Variants in CAPN10 observed in about 807,000 individuals in gnomAD.
CAPN10 encodes calpain 10, also known as calpain-10.
Under a neutral mutation model 78.4 loss-of-function variants are expected in CAPN10, and 71 were observed. The ratio of observed to expected loss-of-function variants is 0.91; its 90% CI spans 0.75 to 1.10. The LOEUF (loss-of-function observed/expected upper bound fraction) is 1.10. Among genes scored for constraint, CAPN10 ranks in the 50% least tolerant of loss-of-function variants. CAPN10 has a pLI of 0.00. For synonymous variants in CAPN10, 437 were observed against 407.2 expected (o/e 1.07, Z -0.88); for missense variants, 849 against 924.6 (o/e 0.92, Z 1.06).
In CAPN10 at chr2:240,596,032, T is replaced by C. The variant is rs745497012; in HGVS notation, c.1279-287T>C. ...CAAAAGAAGTTGCTGGAAGGCCCACTGTCCAGCAGCCCCCAGGTTGCCTGG... is the reference window on the plus strand; with the variant it reads ...CAAAAGAAGTTGCTGGAAGGCCCACCGTCCAGCAGCCCCCAGGTTGCCTGG... On this transcript the variant is annotated intron_variant, in intron 7 of 11. Coordinates refer to ENST00000391984, the MANE Select transcript of CAPN10 (RefSeq NM_023083.4). 2.7e-6 allele frequency: 4 copies of C among 1,496,496 alleles called. No individual in the cohort carries two copies. In the South Asian group the frequency reaches 3.6e-5, roughly 14 times the overall value. 92.7% of individuals were successfully genotyped at this position (1,496,496 alleles called of 1,614,324 possible).
chr2:240,596,317 A>G lies in CAPN10; in HGVS notation c.1279-2A>G. ...CACTGAGCCTCCTGCACGTGCTCAC[A>G]GGTAGAGAAGCGGCGGGTCAATCTG... On this transcript the variant is annotated splice_acceptor_variant, in intron 7 of 11. Coordinates refer to ENST00000391984, the MANE Select transcript of CAPN10 (RefSeq NM_023083.4). LOFTEE classifies it high-confidence loss of function. 6.3e-7 allele frequency: 1 copy of G among 1,599,342 alleles called. No homozygotes were observed. Among genetic ancestry groups the G allele is most frequent in the Non-Finnish European group, 8.6e-7 (1 of 1,169,026 alleles).
Position 240,586,829 on chromosome 2 carries a change from AGGC to A in CAPN10, c.-73_-71del. On this transcript the variant is annotated 5_prime_UTR_variant, in exon 1 of 12. Transcript: ENST00000391984. ...GCGGGGAACGGGCGGGGCGGGCCGG[AGGC>A]GGCGGCGGCTGACTCGCCTTCTCTC... 8 of 1,238,200 alleles carry A rather than the reference AGGC, an allele frequency of 6.5e-6. No individual in the cohort carries two copies. The highest frequency in any genetic ancestry group is 8.2e-6 in the Non-Finnish European group (8 of 974,496). The allele number at this position is 1,238,200 out of a possible 1,614,324, so 76.7% of individuals were successfully genotyped here. A position where few individuals can be genotyped will look rare whatever the true frequency, so the allele number is the denominator to read the frequency against.
chr2:240,597,985 G>C lies in CAPN10; in HGVS notation c.1841G>C (p.Arg614Pro). ...CATCGCTACGCCCAGGAGGTGAGCCGGCTCTGCCTCCTGCCTGCGGGCACC... is the reference window on the plus strand; with the variant it reads ...CATCGCTACGCCCAGGAGGTGAGCCCGCTCTGCCTCCTGCCTGCGGGCACC... ...VPHRYAQEVS[R>P]LCLLPAGTYK... Residue 614 changes from arginine to proline, a missense_variant, in exon 10 of 12, where the codon CGG (arginine) becomes CCG (proline). Coordinates refer to ENST00000391984, the MANE Select transcript of CAPN10 (RefSeq NM_023083.4). 6.2e-7 allele frequency: 1 copy of C among 1,613,062 alleles called. No homozygotes were observed. The highest frequency in any genetic ancestry group is 8.5e-7 in the Non-Finnish European group (1 of 1,179,934).
In CAPN10 at chr2:240,594,636, C is replaced by T. The variant is rs893508687; in HGVS notation, c.924C>T (p.Phe308=). ...EGEFWVEEEE[F]LREFDELTVG... is the part of the protein sequence containing the mutation. Reference sequence around the variant, plus strand: ...AGTTCTGGGTGGAGGAGGAGGAGTTCCTCAGGGAGTTTGACGAGCTCACCG... The same window carrying T: ...AGTTCTGGGTGGAGGAGGAGGAGTTTCTCAGGGAGTTTGACGAGCTCACCG... Residue 308 remains phenylalanine (F), a synonymous_variant, in exon 6 of 12, where the codon TTC becomes TTT. Transcript: ENST00000391984. 2 of 1,613,876 alleles carry T rather than the reference C, an allele frequency of 1.2e-6. No homozygotes were observed. The highest frequency in any genetic ancestry group is 2.7e-5 in the African/African-American group (2 of 74,932).
Position 240,595,023 on chromosome 2 carries a change from G to A in CAPN10, c.998-1G>A, listed in dbSNP as rs2093127633. 1 of 1,612,666 alleles carries A rather than the reference G, an allele frequency of 6.2e-7. No homozygotes were observed. Among genetic ancestry groups the A allele is most frequent in the African/African-American group, 1.3e-5 (1 of 74,926 alleles). ...GCTGATGCCTGGTGTTTTCTCACTA[G>A]AGAGGCTGCTCTGCCATACGCGGGC... On this transcript the variant is annotated splice_acceptor_variant, in intron 6 of 11. Coordinates refer to ENST00000391984, the MANE Select transcript of CAPN10 (RefSeq NM_023083.4). LOFTEE classifies it high-confidence loss of function.
At chr2:240,593,502 C>G (rs767795808) in intron 4 of CAPN10, among the ~76,000 whole-genome samples, 1 of 152,258 alleles carries the variant, frequency 6.6e-6, no homozygotes, top group Non-Finnish European at 1.5e-5. Context: ...TCTGAATGTC[C>G]TACCTCTAGC....
intron 7 of CAPN10, chr2:240,596,044 C>T: frequency 6.6e-7 from 1 of 1,510,138 alleles, no homozygotes; most frequent in Non-Finnish European, 8.9e-7. Context: ...TCCAGCAGCC[C>T]CCAGGTTGCC....
In CAPN10 at chr2:240,587,070, G is replaced by A; in HGVS notation, c.141+18G>A. ...GGCCCCAGGTGGGGCCGTGTGGGGT[G>A]CGGTGGGCGCCGTTTCTGGTTTCTG... On this transcript the variant is annotated intron_variant, in intron 1 of 11. Coordinates refer to ENST00000391984, the MANE Select transcript of CAPN10 (RefSeq NM_023083.4). The A allele has an allele frequency of 7.4e-7, 1 of 1,346,960 alleles. No individual in the cohort carries two copies. The highest frequency in any genetic ancestry group is 9.6e-7 in the Non-Finnish European group (1 of 1,045,878). The allele number at this position is 1,346,960 out of a possible 1,614,324, so 83.4% of individuals were successfully genotyped here.
At chr2:240,593,671 G>A (rs1016907214) in intron 4 of CAPN10, among the ~76,000 whole-genome samples, 3 of 152,204 alleles carry the variant, frequency 2.0e-5, no homozygotes, top group Admixed American at 6.5e-5. Flanking sequence ...CACCAGACCC[G>A]GATGGCAGCC....
intron 11 of CAPN10, 54 bp from the exon 12 acceptor site, chr2:240,598,597 G>C (rs1407997219): frequency 1.9e-6 from 3 of 1,546,368 alleles, no homozygotes; most frequent in Non-Finnish European, 2.6e-6. Context: ...TCGGGGTGGG[G>C]TGTGAGAAGG....
chr2:240,596,921 C>G lies in CAPN10; in HGVS notation c.1722C>G (p.Pro574=), dbSNP rs2125465864. 2 of 1,613,568 alleles carry G rather than the reference C, an allele frequency of 1.2e-6. No individual in the cohort carries two copies. Among genetic ancestry groups the G allele is most frequent in the East Asian group, 4.5e-5 (2 of 44,884 alleles). Residue 574 remains proline, a synonymous_variant, in exon 9 of 12, where the codon CCC becomes CCG. Transcript: ENST00000391984. The stretch of plus-strand genomic sequence containing the variant: ...GGCCCAGTGACACCGAGTTCCACCC[C>G]ATCGGCTTCCATATCTTCCAGGCAA... ...HCRPSDTEFH[P]IGFHIFQVPE...
chr2:240,598,626 C>T, intron 11 of CAPN10, 25 bp from the exon 12 acceptor site: 1 of 1,570,402 alleles, frequency 6.4e-7, no homozygotes, highest in Non-Finnish European at 8.6e-7. Flanking sequence ...CCACCGCTGC[C>T]CGGGCCCCCC....
chr2:240,587,041 A>G lies in CAPN10; in HGVS notation c.130A>G (p.Arg44Gly). 6.9e-7 allele frequency: 1 copy of G among 1,439,620 alleles called. No individual in the cohort carries two copies. Among genetic ancestry groups the G allele is most frequent in the Non-Finnish European group, 9.2e-7 (1 of 1,091,552 alleles). The allele number at this position is 1,439,620 out of a possible 1,614,324, so 89.2% of individuals were successfully genotyped here. Reference protein sequence around the residue: ...LAQFREDITWRRPQEICATPR... With the variant: ...LAQFREDITWGRPQEICATPR... The stretch of plus-strand genomic sequence containing the variant: ...CCAGTTCCGCGAGGACATCACGTGG[A>G]GGCGGCCCCAGGTGGGGCCGTGTGG... The change falls in exon 1 of 12, where the codon AGG becomes GGG. Residue 44 changes from arginine to glycine, a missense_variant. Transcript: ENST00000391984.
intron 7 of CAPN10, chr2:240,596,028 C>T: frequency 6.7e-7 from 1 of 1,491,144 alleles, no homozygotes; most frequent in South Asian, 1.2e-5. Context: ...GCTGGAAGGC[C>T]CACTGTCCAG....
In CAPN10 at chr2:240,589,485, C is replaced by T. The variant is rs1287408037; in HGVS notation, c.273+11C>T. On this transcript the variant is annotated intron_variant, in intron 2 of 11. Transcript: ENST00000391984. ...CACCTCCTGGACCAGGTGCGGGGCC[C>T]CTTCCCTGTGTTTGTCCTGGAGCCG... 12 of 1,606,084 alleles carry T rather than the reference C, an allele frequency of 7.5e-6. No homozygotes were observed. Among genetic ancestry groups the T allele is most frequent in the Non-Finnish European group, 9.3e-6 (11 of 1,176,782 alleles).
intron 10 of CAPN10, 56 bp downstream of exon 10, chr2:240,598,143 G>A (rs974738786): frequency 1.3e-6 from 2 of 1,513,238 alleles, no homozygotes; most frequent in East Asian, 2.3e-5. Flanking sequence ...TGGAGTCTTA[G>A]TGCTCGCCTG....
Position 240,586,771 on chromosome 2 carries a change from T to C in CAPN10, c.-141T>C. ...CGGCGTACTGGCCTGGTCCAGCACC[T>C]GCGGGGCCCTCGGGCTTGGAGGGCT... On this transcript the variant is annotated 5_prime_UTR_variant, in exon 1 of 12. Coordinates refer to ENST00000391984, the MANE Select transcript of CAPN10 (RefSeq NM_023083.4). 2.5e-6 allele frequency: 2 copies of C among 790,638 alleles called. No individual in the cohort carries two copies. The highest frequency in any genetic ancestry group is 1.7e-6 in the Non-Finnish European group (1 of 574,714). 49.0% of individuals were successfully genotyped at this position (790,638 alleles called of 1,614,324 possible).
chr2:240,598,541 T>C, intron 11 of CAPN10, 110 bp from the exon 12 acceptor site: 1 of 1,463,620 alleles, frequency 6.8e-7, no homozygotes, highest in South Asian at 1.2e-5. Context: ...GGCGGTGCCT[T>C]GAAGGGCAGG....
chr2:240,592,728 G>A (rs886877571), intron 4 of CAPN10: 5 of 332,366 alleles, frequency 1.5e-5, no homozygotes, highest in African/African-American at 8.7e-5. Context: ...GAGCACGCAC[G>A]GTTTACGTGT....
Sources: allele counts gnomAD v4.1 joint callset (sites outside exome capture counted in the v4.1 genomes callset), GRCh38; gene constraint gnomAD v4.1.1; transcripts MANE v1.5; gene names NCBI Gene and HGNC (gene_info 2026-07-23, HGNC 2026-07-21).